The following DLEC1 variants were observed in gnomAD, a reference collection of about 807,000 sequenced individuals.
The protein encoded by DLEC1 is DLEC1 cilia and flagella associated protein.
A neutral mutation model predicts 198.1 loss-of-function variants in DLEC1; 146 were observed. The ratio of observed to expected loss-of-function variants is 0.74; its 90% CI spans 0.64 to 0.85. The LOEUF is 0.85. Ranked by LOEUF, DLEC1 falls within the 40% of genes least tolerant of loss-of-function variation. The pLI is 0.00. For missense variants in DLEC1, 2,233 were observed against 2,220.0 expected (o/e 1.01, Z -0.12); for synonymous variants, 897 against 866.8 (o/e 1.03, Z -0.61).
chr3:38,040,204 G>A (rs1280142564), intron 1 of DLEC1, among the ~76,000 whole-genome samples: 2 of 152,164 alleles, frequency 1.3e-5, no homozygotes, highest in African/African-American at 2.4e-5. Context: ...CCTTTACCCC[G>A]GTGTGCTTCC....
intron 6 of DLEC1, among the ~76,000 whole-genome samples, chr3:38,064,749 G>A (rs1237733732): frequency 5.3e-5 from 8 of 151,408 alleles, no homozygotes; most frequent in Non-Finnish European, 1.2e-4. Context: ...CGGGGCGGCG[G>A]GGCAGAGGCG....
At chr3:38,064,581 G>C (rs112159437) in intron 6 of DLEC1, among the ~76,000 whole-genome samples, 1 of 150,956 alleles carries the variant, frequency 6.6e-6, no homozygotes, top group Non-Finnish European at 1.5e-5. Flanking sequence ...TCCCGGACGG[G>C]GCGGCCGGGC....
chr3:38,113,690 CAATAAT>C (rs752299851), intron 25 of DLEC1, among the ~76,000 whole-genome samples: 212 of 150,932 alleles, frequency 1.4e-3, no homozygotes, highest in African/African-American at 5.0e-3. Flanking sequence ...GACTCTGTCT[CAATAAT>C]AATAATAATA....
In DLEC1 at chr3:38,097,913, C is replaced by T. The variant is rs982579968; in HGVS notation, c.2724+11C>T. 2.5e-6 allele frequency: 4 copies of T among 1,613,958 alleles called. No individual in the cohort carries two copies. The highest frequency in any genetic ancestry group is 1.3e-5 in the African/African-American group (1 of 74,944). On this transcript the variant is annotated intron_variant, in intron 18 of 36. Transcript: ENST00000308059. ...GAAAGGCCTGAGGATGTAAGTCAGGCACTGCTGGTTCCTCTGGTGCCCCCA... is the reference window on the plus strand; with the variant it reads ...GAAAGGCCTGAGGATGTAAGTCAGGTACTGCTGGTTCCTCTGGTGCCCCCA...
chr3:38,111,061 A>C (rs1291484563), intron 23 of DLEC1, among the ~76,000 whole-genome samples: 1 of 152,206 alleles, frequency 6.6e-6, no homozygotes, highest in Non-Finnish European at 1.5e-5. Flanking sequence ...CTGATTGTTA[A>C]ATATTCAGGA....
At chr3:38,071,508 T>C (rs1253429443) in intron 6 of DLEC1, among the ~76,000 whole-genome samples, 1 of 152,202 alleles carries the variant, frequency 6.6e-6, no homozygotes, top group Admixed American at 6.5e-5. Context: ...GTCTAAGAAC[T>C]ATTTGCCTTG....
chr3:38,073,105 G>A (rs1324064996), intron 6 of DLEC1, among the ~76,000 whole-genome samples: 3 of 152,234 alleles, frequency 2.0e-5, no homozygotes, highest in Admixed American at 6.5e-5. Flanking sequence ...AAAGCAAAGA[G>A]AGGCTGGGAT....
At chr3:38,114,300 A>G in intron 25 of DLEC1, 42 bp from the exon 26 acceptor site, 1 of 1,603,648 alleles carries the variant, frequency 6.2e-7, no homozygotes, top group Non-Finnish European at 8.5e-7. Flanking sequence ...ATGTGGTCGC[A>G]ACCGGTGACA....
intron 10 of DLEC1, among the ~76,000 whole-genome samples, chr3:38,088,626 A>ATACT (rs1698589701): frequency 2.6e-5 from 4 of 152,166 alleles, no homozygotes; most frequent in African/African-American, 9.7e-5. Flanking sequence ...GAGCCTTGCT[A>ATACT]GTCCACACCT....
chr3:38,086,389 C>T lies in DLEC1; in HGVS notation c.1572+12C>T, dbSNP rs1698458290. ...CACTAAGTTTCAAGGTGAGTGATCA[C>T]AGGTTGCTAACTGGAAAAATTACAA... On this transcript the variant is annotated intron_variant, in intron 9 of 36. Coordinates refer to ENST00000308059, the MANE Select transcript of DLEC1 (RefSeq NM_007335.4). The T allele has an allele frequency of 1.3e-6, 2 of 1,593,244 alleles. No homozygotes were observed. Among genetic ancestry groups the T allele is most frequent in the South Asian group, 1.1e-5 (1 of 87,678 alleles).
chr3:38,097,093 A>G (rs888851859), intron 15 of DLEC1, 89 bp from the exon 16 acceptor site: 31 of 1,275,058 alleles, frequency 2.4e-5, no homozygotes, highest in Non-Finnish European at 3.4e-5. Context: ...TGGACTCTTT[A>G]CGAGCCCACA....
chr3:38,113,773 T>G (rs543692646), intron 25 of DLEC1, among the ~76,000 whole-genome samples: 3 of 152,258 alleles, frequency 2.0e-5, no homozygotes, highest in Admixed American at 1.3e-4. Flanking sequence ...CCCATTTATA[T>G]CTGGGTCTTC....
intron 10 of DLEC1, among the ~76,000 whole-genome samples, chr3:38,090,370 T>C (rs1477018632): frequency 4.6e-5 from 7 of 152,170 alleles, no homozygotes; most frequent in African/African-American, 1.7e-4. Context: ...TTTACCCCCA[T>C]TTTTTTCTTC....
intron 22 of DLEC1, 64 bp downstream of exon 22, chr3:38,109,626 G>A (rs973302750): frequency 1.5e-5 from 24 of 1,608,048 alleles, no homozygotes; most frequent in Non-Finnish European, 2.0e-5. Context: ...CCGCGCCCAG[G>A]ACCAGCACGG....
chr3:38,114,060 G>A (rs967455269), intron 25 of DLEC1, among the ~76,000 whole-genome samples: 22 of 148,762 alleles, frequency 1.5e-4, no homozygotes, highest in South Asian at 4.3e-4. Context: ...ATTGCTTGAG[G>A]CCAGTAGTTT....
Position 38,122,957 on chromosome 3 carries a change from T to C in DLEC1, c.*545T>C, listed in dbSNP as rs1019334733. ...ACTGCCACCACCACCAGTGCTGAGT[T>C]TTCCCATGTGGTTTTGCTTTTGTGG... On this transcript the variant is annotated 3_prime_UTR_variant, in exon 37 of 37. Coordinates refer to ENST00000308059, the MANE Select transcript of DLEC1 (RefSeq NM_007335.4). 7.4e-7 allele frequency: 1 copy of C among 1,354,050 alleles called. No individual in the cohort carries two copies. The highest frequency in any genetic ancestry group is 1.0e-6 in the Non-Finnish European group (1 of 953,014). The allele number at this position is 1,354,050 out of a possible 1,614,324, so 83.9% of individuals were successfully genotyped here. A position where few individuals can be genotyped will look rare whatever the true frequency, so the allele number is the denominator to read the frequency against.
chr3:38,108,960 G>A lies in DLEC1; in HGVS notation c.3129+445G>A, dbSNP rs1452272477. On this transcript the variant is annotated intron_variant, in intron 21 of 36. Transcript: ENST00000308059. ...ATGCTCAGTCATAGGGCCGTTCCTA[G>A]CTGTCCCTTTGTGGTTCTTGTGGGA... Among the ~76,000 whole-genome samples the A allele has an allele frequency of 2.0e-5, 3 of 152,346 alleles. No individual in the cohort carries two copies. In the East Asian group the frequency reaches 5.8e-4, roughly 29 times the overall value.
chr3:38,116,582 C>A lies in DLEC1; in HGVS notation c.3986C>A (p.Thr1329Asn), dbSNP rs1700176887. The part of the protein sequence containing the change: ...QAGNELVCPD[T>N]PEGGCLLWSP... ...GGGAATGAGCTTGTGTGCCCTGATA[C>A]CCCTGAGGGTGGCTGCCTCCTCTGG... The change falls in exon 28 of 37, where the codon ACC (threonine) becomes AAC (asparagine). Residue 1329 changes from threonine (T) to asparagine (N), a missense_variant. Thr to Asn is a moderately conservative substitution (Grantham distance 65). Coordinates refer to ENST00000308059, the MANE Select transcript of DLEC1 (RefSeq NM_007335.4). The A allele has an allele frequency of 6.2e-7, 1 of 1,614,128 alleles. No homozygotes were observed.
Position 38,039,463 on chromosome 3 carries a change from C to G in DLEC1, c.238C>G (p.Leu80Val). 6.2e-7 allele frequency: 1 copy of G among 1,614,052 alleles called. No individual in the cohort carries two copies. The change falls in exon 1 of 37, where the codon CTT becomes GTT. Residue 80 changes from leucine to valine, a missense_variant. Leu to Val is a conservative substitution (Grantham distance 32, BLOSUM62 1). Coordinates refer to ENST00000308059, the MANE Select transcript of DLEC1 (RefSeq NM_007335.4). ...ALAQRPEPQL[L>V]RLRPSSLRTQ... The stretch of plus-strand genomic sequence containing the variant: ...GGCGCAGCGTCCCGAGCCTCAGCTG[C>G]TTCGTCTGCGCCCCTCCTCGCTGCG...
Sources: gnomAD v4.1 joint callset for allele counts (sites outside exome capture counted in the v4.1 genomes callset) on GRCh38, gnomAD v4.1.1 for gene constraint, MANE v1.5 for transcripts, NCBI Gene and HGNC (gene_info 2026-07-23, HGNC 2026-07-21) for gene names.